Variants in PCDH9 observed in about 807,000 individuals in gnomAD.
PCDH9 encodes the protein protocadherin 9.
Under a neutral mutation model 70.6 loss-of-function variants are expected in PCDH9, and 24 were observed. The observed-to-expected ratio is 0.34, with a 90% CI of 0.25 to 0.48. PCDH9 has a LOEUF of 0.48. PCDH9 is among the 20% of genes least tolerant of loss of function. The pLI is 0.99. For missense variants in PCDH9, 1,281 were observed against 1,503.6 expected, an observed-to-expected ratio of 0.85 and a Z score of 2.45; for synonymous variants, 562 against 558.5, an observed-to-expected ratio of 1.01 and a Z score of -0.09.
chr13:67,103,667 T>C (rs886177852), intron 2 of PCDH9, among the ~76,000 whole-genome samples: 2 of 152,098 alleles, frequency 1.3e-5, no homozygotes, highest in African/African-American at 4.8e-5. Flanking sequence ...TAAGGGAAAT[T>C]GTTGTAACTT....
chr13:66,561,270 G>C (rs1220745421), intron 4 of PCDH9, among the ~76,000 whole-genome samples: 1 of 152,164 alleles, frequency 6.6e-6, no homozygotes, highest in Non-Finnish European at 1.5e-5. Flanking sequence ...GGCAGGGCTC[G>C]GGACCTGCAG....
At chr13:67,026,881 AG>A in intron 2 of PCDH9, among the ~76,000 whole-genome samples, 1 of 152,180 alleles carries the variant, frequency 6.6e-6, no homozygotes, top group African/African-American at 2.4e-5. Flanking sequence ...CTCTTCAAGG[AG>A]AACTACCAAC....
chr13:66,761,414 C>CT (rs2079625801), intron 3 of PCDH9, among the ~76,000 whole-genome samples: 1 of 152,056 alleles, frequency 6.6e-6, no homozygotes, highest in Non-Finnish European at 1.5e-5. Context: ...TACATCTATT[C>CT]TTTTTTAAAA....
chr13:66,464,895 T>A (rs1018996277), intron 4 of PCDH9, among the ~76,000 whole-genome samples: 3 of 152,066 alleles, frequency 2.0e-5, no homozygotes, highest in South Asian at 4.1e-4. Flanking sequence ...AAAGAATATA[T>A]CTAATAATTG....
chr13:66,662,525 GACTT>G (rs1431339825), intron 3 of PCDH9, among the ~76,000 whole-genome samples: 1 of 151,834 alleles, frequency 6.6e-6, no homozygotes, highest in African/African-American at 2.4e-5. Flanking sequence ...AGGAAAATAA[GACTT>G]AAATATCAAA....
chr13:66,925,707 C>T (rs566138472), intron 2 of PCDH9, among the ~76,000 whole-genome samples: 3 of 151,684 alleles, frequency 2.0e-5, no homozygotes, highest in Non-Finnish European at 2.9e-5. Context: ...TTTATCAAAA[C>T]GTTTATACAA....
In PCDH9 at chr13:66,473,565, A is replaced by C. The variant is rs147668729; in HGVS notation, c.3340+157645T>G. Among the ~76,000 whole-genome samples the C allele has an allele frequency of 3.4e-3, 522 of 152,284 alleles. 6 individuals are homozygous for C. Among genetic ancestry groups the C allele is most frequent in the African/African-American group, 0.012 (506 of 41,578 alleles). On this transcript the variant is annotated intron_variant, in intron 4 of 4. Coordinates refer to ENST00000377865, the MANE Select transcript of PCDH9 (RefSeq NM_203487.3). ...CTGAATAATGCATTTATTAGGACTC[A>C]TGTTACAATGTAACTGGTAATTTAC... is the stretch of plus-strand genomic sequence containing the variant.
intron 3 of PCDH9, among the ~76,000 whole-genome samples, chr13:66,738,685 C>T (rs993226529): frequency 7.4e-5 from 11 of 148,262 alleles, no homozygotes; most frequent in South Asian, 4.4e-4. Flanking sequence ...TCGAGAACTA[C>T]GTGAAGAATG....
At chr13:66,552,269 A>G (rs530142140) in intron 4 of PCDH9, among the ~76,000 whole-genome samples, 3 of 152,200 alleles carry the variant, frequency 2.0e-5, no homozygotes, top group African/African-American at 7.2e-5. Flanking sequence ...TTATTCCCCT[A>G]TCTCAACCTA....
At chr13:66,804,026 A>G (rs2080370652) in intron 3 of PCDH9, among the ~76,000 whole-genome samples, 1 of 152,196 alleles carries the variant, frequency 6.6e-6, no homozygotes, top group Non-Finnish European at 1.5e-5. Flanking sequence ...GTGACCACAC[A>G]TGATTTTGCT....
chr13:66,682,410 C>A (rs1593887000), intron 3 of PCDH9, among the ~76,000 whole-genome samples: 1 of 151,188 alleles, frequency 6.6e-6, no homozygotes, highest in African/African-American at 2.4e-5. Context: ...CATCTATCAT[C>A]TTCTTCTTTT....
At chr13:66,620,982 A>T (rs1202467722) in intron 4 of PCDH9, among the ~76,000 whole-genome samples, 1 of 152,228 alleles carries the variant, frequency 6.6e-6, no homozygotes, top group African/African-American at 2.4e-5. Flanking sequence ...TAAATGAATT[A>T]AAAAATGGGT....
chr13:66,377,869 C>G (rs947837068), intron 4 of PCDH9, among the ~76,000 whole-genome samples: 2 of 152,112 alleles, frequency 1.3e-5, no homozygotes, highest in African/African-American at 4.8e-5. Flanking sequence ...AATTTTTCTG[C>G]CTGGTATTCT....
At chr13:66,335,465 G>A (rs1269253455) in intron 4 of PCDH9, among the ~76,000 whole-genome samples, 2 of 152,056 alleles carry the variant, frequency 1.3e-5, no homozygotes, top group Non-Finnish European at 2.9e-5. Context: ...AACAAAAAAT[G>A]CTAACATTTT....
rs539121024 is a variant in PCDH9, at chr13:66,767,276, T to C, written c.3139-135865A>G. 1.3e-5 allele frequency among the ~76,000 whole-genome samples: 2 copies of C among 152,224 alleles called. 1 individual carries two copies. Among genetic ancestry groups the C allele is most frequent in the African/African-American group, 4.8e-5 (2 of 41,568 alleles). ...GAAGGTTTTATCTGGAGAATGTAGATGTGTTATATTTAAGGCAAAATCTCA... is the reference window on the plus strand; with the variant it reads ...GAAGGTTTTATCTGGAGAATGTAGACGTGTTATATTTAAGGCAAAATCTCA... On this transcript the variant is annotated intron_variant, in intron 3 of 4. Coordinates refer to ENST00000377865, the MANE Select transcript of PCDH9 (RefSeq NM_203487.3).
intron 4 of PCDH9, among the ~76,000 whole-genome samples, chr13:66,549,501 C>T (rs1961377738): frequency 6.6e-6 from 1 of 152,020 alleles, no homozygotes; most frequent in South Asian, 2.1e-4. Flanking sequence ...TCCATACCTT[C>T]ATTTAATTCT....
chr13:66,714,243 A>G (rs536599587), intron 3 of PCDH9, among the ~76,000 whole-genome samples: 4 of 152,182 alleles, frequency 2.6e-5, no homozygotes, highest in Admixed American at 2.6e-4. Flanking sequence ...AGGTGGGTGG[A>G]TCACAAGTTC....
chr13:66,585,856 T>G (rs1029325293), intron 4 of PCDH9, among the ~76,000 whole-genome samples: 1 of 152,102 alleles, frequency 6.6e-6, no homozygotes, highest in African/African-American at 2.4e-5. Flanking sequence ...GACCAACAAA[T>G]TCAGTTTCAG....
chr13:66,435,691 T>G (rs1461825682), intron 4 of PCDH9, among the ~76,000 whole-genome samples: 1 of 152,214 alleles, frequency 6.6e-6, no homozygotes, highest in African/African-American at 2.4e-5. Flanking sequence ...TTGTATATAT[T>G]GACTGAGACT....
Sources: allele counts gnomAD v4.1 joint callset (sites outside exome capture counted in the v4.1 genomes callset), GRCh38; gene constraint gnomAD v4.1.1; transcripts MANE v1.5; gene names NCBI Gene and HGNC (gene_info 2026-07-23, HGNC 2026-07-21).